The following ADAMTS17 variants were observed in gnomAD, a reference collection of about 807,000 sequenced individuals.
ADAMTS17 encodes the protein A disintegrin and metalloproteinase with thrombospondin motifs 17.
Under a neutral mutation model 141.5 loss-of-function variants are expected in ADAMTS17, and 113 were observed. The ratio of observed to expected loss-of-function variants is 0.80; its 90% confidence interval spans 0.69 to 0.93. The LOEUF is 0.93. Among genes scored for constraint, ADAMTS17 ranks in the 40% least tolerant of loss-of-function variants. The probability of loss-of-function intolerance (pLI) is 0.00; values close to 1 mark genes in which losing one functional copy is unlikely to be tolerated. For missense variants in ADAMTS17, 1,659 were observed against 1,517.9 expected, an observed-to-expected ratio of 1.09 and a Z score of -1.54; for synonymous variants, 768 against 630.6, an observed-to-expected ratio of 1.22 and a Z score of -3.27.
At chr15:100,249,627 G>A (rs1382441841) in intron 7 of ADAMTS17, among the ~76,000 whole-genome samples, 1 of 152,190 alleles carries the variant, frequency 6.6e-6, no homozygotes, top group African/African-American at 2.4e-5. Context: ...CCCAGGTGCT[G>A]CCTGTGTTCC....
intron 12 of ADAMTS17, among the ~76,000 whole-genome samples, chr15:100,117,412 C>G (rs1479613335): frequency 1.5e-5 from 1 of 65,268 alleles, no homozygotes; most frequent in Non-Finnish European, 3.0e-5. Flanking sequence ...CTTTAAATGC[C>G]CCCCCAGGTA....
At chr15:100,068,134 C>T (rs2033685553) in intron 15 of ADAMTS17, among the ~76,000 whole-genome samples, 1 of 152,202 alleles carries the variant, frequency 6.6e-6, no homozygotes, top group South Asian at 2.1e-4. Flanking sequence ...GGGTCCTACA[C>T]CCACGGAGCC....
intron 20 of ADAMTS17, among the ~76,000 whole-genome samples, chr15:99,985,878 C>G (rs570182759): frequency 6.6e-6 from 1 of 152,224 alleles, no homozygotes; most frequent in Non-Finnish European, 1.5e-5. Flanking sequence ...TAGTCTTACC[C>G]TCTACCTGCA....
chr15:100,286,795 C>T (rs917569524), intron 3 of ADAMTS17, among the ~76,000 whole-genome samples: 6 of 152,016 alleles, frequency 3.9e-5, no homozygotes, highest in Admixed American at 2.6e-4. Context: ...TGGTTCTTAA[C>T]CAGGCTGAAA....
chr15:100,232,466 A>T (rs1393924123), intron 7 of ADAMTS17, among the ~76,000 whole-genome samples: 2 of 152,266 alleles, frequency 1.3e-5, no homozygotes, highest in African/African-American at 4.8e-5. Flanking sequence ...CCAGACTCAC[A>T]TCAAGTCATG....
intron 8 of ADAMTS17, among the ~76,000 whole-genome samples, chr15:100,169,233 A>G (rs557006906): frequency 8.9e-4 from 136 of 152,298 alleles, no homozygotes; most frequent in African/African-American, 3.1e-3. Flanking sequence ...TCCACTGCCC[A>G]ACACATGCCA....
chr15:100,066,836 C>G (rs4561451), intron 15 of ADAMTS17, among the ~76,000 whole-genome samples: 28,692 of 38,378 alleles, frequency 0.75, 11,490 homozygotes, highest in East Asian at 0.88. Flanking sequence ...TCTAAGTGTC[C>G]TTCCTTTCTG....
At chr15:100,021,233 G>A (rs373901079) in intron 18 of ADAMTS17, among the ~76,000 whole-genome samples, 10 of 152,284 alleles carry the variant, frequency 6.6e-5, no homozygotes, top group Admixed American at 2.0e-4. Flanking sequence ...GTGGGTGTGC[G>A]TGTCACAGAC....
intron 7 of ADAMTS17, among the ~76,000 whole-genome samples, chr15:100,230,715 T>G (rs980137772): frequency 2.6e-5 from 4 of 152,188 alleles, no homozygotes; most frequent in Non-Finnish European, 5.9e-5. Context: ...ATGAAAGCAT[T>G]TATTGTTTAA....
intron 18 of ADAMTS17, among the ~76,000 whole-genome samples, chr15:100,033,734 A>G (rs932392963): frequency 2.0e-5 from 3 of 152,188 alleles, no homozygotes; most frequent in African/African-American, 7.2e-5. Context: ...GCTCCAGCCA[A>G]TTCGGGGATC....
At chr15:100,281,546 G>T in intron 3 of ADAMTS17, 145 bp from the exon 4 acceptor site, 2 of 1,082,096 alleles carry the variant, frequency 1.8e-6, no homozygotes, top group South Asian at 1.4e-5. Context: ...AATCTCCACC[G>T]TCATGTGGGT....
chr15:100,145,083 ATATACT>A (rs1472074374), intron 10 of ADAMTS17, among the ~76,000 whole-genome samples: 3 of 152,180 alleles, frequency 2.0e-5, no homozygotes, highest in Admixed American at 6.5e-5. Context: ...TTGTCTCATA[ATATACT>A]TAAAGTTCTA....
chr15:100,022,266 GCACCA>G (rs2061419762), intron 18 of ADAMTS17, among the ~76,000 whole-genome samples: 1 of 152,154 alleles, frequency 6.6e-6, no homozygotes, highest in African/African-American at 2.4e-5. Context: ...GGAGCTGCGT[GCACCA>G]CAACCCCATG....
chr15:100,029,038 A>G (rs1159899757), intron 18 of ADAMTS17, among the ~76,000 whole-genome samples: 3 of 152,204 alleles, frequency 2.0e-5, no homozygotes, highest in South Asian at 2.1e-4. Context: ...TAAGGCTCCA[A>G]ACTGTTTCCT....
chr15:100,198,420 A>C (rs2041201450), intron 8 of ADAMTS17, among the ~76,000 whole-genome samples: 1 of 152,226 alleles, frequency 6.6e-6, no homozygotes, highest in African/African-American at 2.4e-5. Context: ...TTGAGATTCC[A>C]GGCATCTTAC....
chr15:100,254,481 T>C (rs1305635882), intron 6 of ADAMTS17, among the ~76,000 whole-genome samples: 1 of 152,210 alleles, frequency 6.6e-6, no homozygotes, highest in Non-Finnish European at 1.5e-5. Flanking sequence ...GCCAAGTCAC[T>C]GATCCGAGAC....
At chr15:100,208,578 T>C (rs2041669716) in intron 7 of ADAMTS17, among the ~76,000 whole-genome samples, 1 of 152,234 alleles carries the variant, frequency 6.6e-6, no homozygotes, top group Admixed American at 6.5e-5. Flanking sequence ...GAAGAGGCCC[T>C]GCCCGGGGGC....
At chr15:100,035,815 T>G (rs2030650428) in intron 18 of ADAMTS17, among the ~76,000 whole-genome samples, 1 of 152,008 alleles carries the variant, frequency 6.6e-6, no homozygotes, top group Admixed American at 6.5e-5. Context: ...TGGGAGTAAG[T>G]AGTATAAATA....
chr15:100,029,952 G>A (rs577587181), intron 18 of ADAMTS17, among the ~76,000 whole-genome samples: 21 of 152,268 alleles, frequency 1.4e-4, no homozygotes, highest in Non-Finnish European at 2.5e-4. Context: ...TGGGAGTGGG[G>A]CCCAGCACTC....
Sources: allele counts gnomAD v4.1 joint callset (sites outside exome capture counted in the v4.1 genomes callset), GRCh38; gene constraint gnomAD v4.1.1; transcripts MANE v1.5; gene names NCBI Gene and HGNC (gene_info 2026-07-23, HGNC 2026-07-21).